The following TTC23 variants were observed in gnomAD, a reference collection of about 807,000 sequenced individuals.
The protein encoded by TTC23 is tetratricopeptide repeat protein 23.
In TTC23, 58 loss-of-function variants were observed where a neutral mutation model predicts 55.1. The ratio of observed to expected loss-of-function variants is 1.05; its 90% CI spans 0.85 to 1.31. The LOEUF (loss-of-function observed/expected upper bound fraction) is 1.31. Ranked by LOEUF, TTC23 falls within the 50% of genes most tolerant of loss-of-function variation. The pLI is 0.00. For synonymous variants in TTC23, 203 were observed against 199.9 expected, an observed-to-expected ratio of 1.02 and a Z score of -0.13; for missense variants, 516 against 534.4, an observed-to-expected ratio of 0.97 and a Z score of 0.34.
Position 99,228,752 on chromosome 15 carries a change from C to G in TTC23, c.-20-20G>C, listed in dbSNP as rs532961448. On this transcript the variant is annotated intron_variant, in intron 4 of 13. Coordinates refer to ENST00000394132, the MANE Select transcript of TTC23 (RefSeq NM_001288615.3). ...TGTCTTCTAATTTTAAAATAAAAAACAAAGATGTTAAATGATAATTTCCAT... is the reference window on the plus strand; with the variant it reads ...TGTCTTCTAATTTTAAAATAAAAAAGAAAGATGTTAAATGATAATTTCCAT... The G allele has an allele frequency of 6.7e-7, 1 of 1,482,432 alleles. No homozygotes were observed. Among genetic ancestry groups the G allele is most frequent in the Admixed American group, 2.2e-5 (1 of 45,884 alleles). 91.8% of individuals were successfully genotyped at this position (1,482,432 alleles called of 1,614,324 possible).
intron 10 of TTC23, among the ~76,000 whole-genome samples, chr15:99,169,306 G>A (rs1430603122): frequency 2.0e-5 from 3 of 152,104 alleles, no homozygotes. Context: ...AAGTCTGAAG[G>A]GAGACAGGCA....
intron 10 of TTC23, among the ~76,000 whole-genome samples, chr15:99,164,265 T>C (rs2071756613): frequency 6.6e-6 from 1 of 152,214 alleles, no homozygotes; most frequent in Non-Finnish European, 1.5e-5. Flanking sequence ...TCTGCTGTTG[T>C]AGCATGAAAG....
At chr15:99,212,112 T>G (rs954561963) in intron 8 of TTC23, among the ~76,000 whole-genome samples, 14 of 152,198 alleles carry the variant, frequency 9.2e-5, no homozygotes, top group African/African-American at 2.9e-4. Flanking sequence ...AGCACAGTCA[T>G]GCCAGGCAAA....
At chr15:99,183,497 A>AT (rs56660145) in intron 9 of TTC23, among the ~76,000 whole-genome samples, 3,496 of 100,820 alleles carry the variant, frequency 0.035, 86 homozygotes, top group Non-Finnish European at 0.052. Context: ...GATTTTTTGT[A>AT]TTTTTTTTTT....
At chr15:99,188,097 C>G (rs2074894742) in intron 9 of TTC23, among the ~76,000 whole-genome samples, 1 of 151,862 alleles carries the variant, frequency 6.6e-6, no homozygotes, top group South Asian at 2.1e-4. Flanking sequence ...AACCCAAATG[C>G]CCATCTACTG....
intron 8 of TTC23, among the ~76,000 whole-genome samples, chr15:99,200,707 G>A (rs1283309730): frequency 2.6e-5 from 4 of 152,040 alleles, no homozygotes; most frequent in Non-Finnish European, 5.9e-5. Context: ...ACAATTTTGC[G>A]AATTCCAATT....
chr15:99,208,493 C>T (rs1390349190), intron 8 of TTC23, among the ~76,000 whole-genome samples: 1 of 152,036 alleles, frequency 6.6e-6, no homozygotes, highest in African/African-American at 2.4e-5. Context: ...ATATATGTGT[C>T]TAAAATATTT....
intron 8 of TTC23, among the ~76,000 whole-genome samples, chr15:99,217,449 G>T (rs1397839271): frequency 6.6e-6 from 1 of 152,172 alleles, no homozygotes. Flanking sequence ...GAGCCACTGT[G>T]CCCGGCCAAA....
At chr15:99,191,547 G>T (rs1381726238) in intron 9 of TTC23, among the ~76,000 whole-genome samples, 3 of 152,336 alleles carry the variant, frequency 2.0e-5, no homozygotes, top group Non-Finnish European at 4.4e-5. Context: ...GAGTTTCCCT[G>T]CCCAATCTCT....
intron 8 of TTC23, among the ~76,000 whole-genome samples, chr15:99,215,203 A>G (rs1013357771): frequency 6.6e-6 from 1 of 151,986 alleles, no homozygotes; most frequent in African/African-American, 2.4e-5. Flanking sequence ...ACTGATATAT[A>G]AGGGTTCTTT....
intron 4 of TTC23, among the ~76,000 whole-genome samples, 200 bp from the exon 5 acceptor site, chr15:99,228,932 A>G (rs1052213594): frequency 1.6e-5 from 2 of 123,648 alleles, no homozygotes; most frequent in Non-Finnish European, 3.5e-5. Context: ...ATAGACATAC[A>G]TATATATATG....
intron 9 of TTC23, among the ~76,000 whole-genome samples, chr15:99,182,244 TCTCTCACACACACACA>T (rs1338890919): frequency 9.8e-6 from 1 of 102,238 alleles, no homozygotes; most frequent in African/African-American, 3.8e-5. Context: ...TCTCTCTCTC[TCTCTCACACACACACA>T]CACACACACA....
At chr15:99,176,559 G>A (rs2073579787) in intron 9 of TTC23, among the ~76,000 whole-genome samples, 1 of 152,110 alleles carries the variant, frequency 6.6e-6, no homozygotes, top group Admixed American at 6.6e-5. Flanking sequence ...GCTGCAATGA[G>A]TTATGATTAT....
At chr15:99,228,881 T>C (rs1453716722) in intron 4 of TTC23, 149 bp from the exon 5 acceptor site, 1 of 621,810 alleles carries the variant, frequency 1.6e-6, no homozygotes, top group African/African-American at 1.8e-5. Flanking sequence ...GACCTGCTGA[T>C]TTCTACTTTC....
At chr15:99,138,272 CAG>C in intron 13 of TTC23, 145 bp from the exon 14 acceptor site, 2 of 965,648 alleles carry the variant, frequency 2.1e-6, no homozygotes, top group Non-Finnish European at 3.0e-6. Context: ...AATTGTAGCA[CAG>C]AGCATAAAAC....
intron 5 of TTC23, among the ~76,000 whole-genome samples, chr15:99,226,174 C>T (rs1321766812): frequency 1.3e-5 from 2 of 152,144 alleles, no homozygotes. Flanking sequence ...CAGACTGAAC[C>T]ATGGGTCTGA....
intron 2 of TTC23, among the ~76,000 whole-genome samples, chr15:99,242,796 A>C (rs868453186): frequency 6.6e-6 from 1 of 152,222 alleles, no homozygotes; most frequent in African/African-American, 2.4e-5. Context: ...AATCATGATT[A>C]AAAAAACTTC....
intron 9 of TTC23, among the ~76,000 whole-genome samples, chr15:99,187,463 A>C (rs1366914687): frequency 9.0e-6 from 1 of 111,580 alleles, no homozygotes; most frequent in Non-Finnish European, 2.2e-5. Context: ...AAAAAAAAAA[A>C]AAAAACAAAA....
At chr15:99,201,473 A>C (rs2076194214) in intron 8 of TTC23, among the ~76,000 whole-genome samples, 1 of 152,166 alleles carries the variant, frequency 6.6e-6, no homozygotes, top group Non-Finnish European at 1.5e-5. Flanking sequence ...AAAGACTACA[A>C]AAAATAGGTA....
Sources: allele counts gnomAD v4.1 joint callset (sites outside exome capture counted in the v4.1 genomes callset), GRCh38; gene constraint gnomAD v4.1.1; transcripts MANE v1.5; gene names NCBI Gene and HGNC (gene_info 2026-07-23, HGNC 2026-07-21).